The following JPH1 variants were observed in gnomAD, a reference collection of about 807,000 sequenced individuals.
The protein encoded by JPH1 is junctophilin-1.
A neutral mutation model predicts 53.6 loss-of-function variants in JPH1; 12 were observed. The ratio of observed to expected loss-of-function variants is 0.22; its 90% CI spans 0.14 to 0.36. The LOEUF (loss-of-function observed/expected upper bound fraction) is 0.36, where lower values mean the gene tolerates loss of function less well. Ranked by LOEUF, JPH1 falls within the 10% of genes least tolerant of loss-of-function variation. JPH1 has a pLI of 1.00. For synonymous variants in JPH1, 375 were observed against 363.8 expected (o/e 1.03, Z -0.35); for missense variants, 808 against 905.5 (o/e 0.89, Z 1.38).
chr8:74,309,759 C>A (rs943143480), intron 2 of JPH1, among the ~76,000 whole-genome samples: 1 of 152,172 alleles, frequency 6.6e-6, no homozygotes, highest in South Asian at 2.1e-4. Context: ...AACTGAATGC[C>A]TAAGAAATAG....
chr8:74,292,367 G>A (rs984426861), intron 2 of JPH1, among the ~76,000 whole-genome samples: 2 of 152,118 alleles, frequency 1.3e-5, no homozygotes, highest in African/African-American at 2.4e-5. Flanking sequence ...TCAAGGAAGC[G>A]ACATCAAACG....
rs577662671 is a variant in JPH1, at chr8:74,275,086, C to T, written c.1140-15583G>A. ...TACTACCCAAGCAAGTAGTAAATAA[C>T]AGACTGGGCTTTTGTTTTCTGGAAT... is the stretch of plus-strand genomic sequence containing the variant. On this transcript the variant is annotated intron_variant, in intron 2 of 5. Transcript: ENST00000342232. 3.3e-5 allele frequency among the ~76,000 whole-genome samples: 5 copies of T among 152,248 alleles called. No individual in the cohort carries two copies. The East Asian group carries it at 7.7e-4, about 24-fold the overall frequency.
chr8:74,267,274 A>T (rs1335156784), intron 2 of JPH1, among the ~76,000 whole-genome samples: 1 of 152,236 alleles, frequency 6.6e-6, no homozygotes, highest in Non-Finnish European at 1.5e-5. Flanking sequence ...AGTGAGTCAA[A>T]AAAGCAAAGA....
chr8:74,244,735 C>G lies in JPH1; in HGVS notation c.1699G>C (p.Val567Leu), dbSNP rs777169915. ...LNAPQHPPVD[V>L]EDGDGSSQSS... ...TGGCTGGATCCATCGCCGTCCTCCACGTCTACTGGAGGGTGCTGGGGGGCG... is the reference window on the plus strand; with the variant it reads ...TGGCTGGATCCATCGCCGTCCTCCAGGTCTACTGGAGGGTGCTGGGGGGCG... Residue 567 changes from valine (V) to leucine (L), a missense_variant, in exon 4 of 6, where the codon GTG (valine) becomes CTG (leucine). Physicochemically the swap from Val to Leu is conservative, Grantham distance 32. Coordinates refer to ENST00000342232, the MANE Select transcript of JPH1 (RefSeq NM_020647.4). 3.7e-6 allele frequency: 6 copies of G among 1,614,012 alleles called. No individual in the cohort carries two copies. The African/African-American group carries it at 8.0e-5, about 22-fold the overall frequency.
At chr8:74,318,790 C>T (rs1808233126) in intron 1 of JPH1, among the ~76,000 whole-genome samples, 1 of 152,092 alleles carries the variant, frequency 6.6e-6, no homozygotes. Flanking sequence ...AGAAAACAAG[C>T]TAATTTTTTA....
At chr8:74,319,640 G>T (rs1808258483) in intron 1 of JPH1, among the ~76,000 whole-genome samples, 1 of 149,032 alleles carries the variant, frequency 6.7e-6, no homozygotes, top group African/African-American at 2.4e-5. Context: ...CAAGTGTTCT[G>T]ACTAAGTGAA....
chr8:74,266,533 T>C (rs533303782), intron 2 of JPH1, among the ~76,000 whole-genome samples: 1 of 151,634 alleles, frequency 6.6e-6, no homozygotes, highest in South Asian at 2.1e-4. Context: ...TTCCAGGGGG[T>C]TGGAGGAGGG....
chr8:74,296,598 T>C (rs918999101), intron 2 of JPH1, among the ~76,000 whole-genome samples: 7 of 152,198 alleles, frequency 4.6e-5, no homozygotes, highest in Non-Finnish European at 8.8e-5. Flanking sequence ...CAAAATGTCA[T>C]GAGAAAATCC....
intron 2 of JPH1, among the ~76,000 whole-genome samples, chr8:74,275,978 G>C (rs921163391): frequency 6.6e-6 from 1 of 152,112 alleles, no homozygotes; most frequent in South Asian, 2.1e-4. Flanking sequence ...ATTATGGTTC[G>C]AATTTGATTA....
intron 2 of JPH1, among the ~76,000 whole-genome samples, chr8:74,267,272 A>C (rs1414387487): frequency 6.6e-6 from 1 of 152,218 alleles, no homozygotes; most frequent in Non-Finnish European, 1.5e-5. Flanking sequence ...TAAGTGAGTC[A>C]AAAAAGCAAA....
At chr8:74,308,907 T>G (rs1159543970) in intron 2 of JPH1, among the ~76,000 whole-genome samples, 1 of 152,158 alleles carries the variant, frequency 6.6e-6, no homozygotes, top group African/African-American at 2.4e-5. Flanking sequence ...GGAGGGGAGA[T>G]CTGCATGAAA....
chr8:74,317,950 A>AG lies in JPH1; in HGVS notation c.380-2331dup, dbSNP rs146987647. 6.1e-3 allele frequency among the ~76,000 whole-genome samples: 932 copies of AG among 152,212 alleles called. 9 individuals are homozygous for AG. The highest frequency in any genetic ancestry group is 0.021 in the African/African-American group (889 of 41,560). On this transcript the variant is annotated intron_variant, in intron 1 of 5. Coordinates refer to ENST00000342232, the MANE Select transcript of JPH1 (RefSeq NM_020647.4). ...TCTCTGCTTAACTGTCAAATAGGGA[A>AG]GGGGGGGACAAGAGCATTGGCCACA...
chr8:74,244,698 G>A lies in JPH1; in HGVS notation c.1736C>T (p.Ala579Val), dbSNP rs750717909. ...DGDGSSQSSS[A>V]LVHKPSANKW... ...GTTAGCGGATGGCTTGTGCACCAGT[G>A]CTGAGGAAGACTGGCTGGATCCATC... The change falls in exon 4 of 6, where the codon GCA becomes GTA. Residue 579 changes from alanine to valine, a missense_variant. Transcript: ENST00000342232. 1.9e-6 allele frequency: 3 copies of A among 1,614,218 alleles called. No individual in the cohort carries two copies. The highest frequency in any genetic ancestry group is 2.5e-6 in the Non-Finnish European group (3 of 1,180,038).
intron 2 of JPH1, among the ~76,000 whole-genome samples, chr8:74,261,326 T>TTG (rs1176933029): frequency 2.6e-5 from 4 of 152,082 alleles, no homozygotes; most frequent in African/African-American, 9.7e-5. Flanking sequence ...ATAGGGGATA[T>TTG]TGTGTGTGTG....
intron 2 of JPH1, among the ~76,000 whole-genome samples, chr8:74,302,349 T>C (rs186777322): frequency 1.3e-4 from 20 of 152,318 alleles, no homozygotes; most frequent in Admixed American, 1.2e-3. Context: ...TGTACACAAA[T>C]ACTGCTAATA....
intron 2 of JPH1, among the ~76,000 whole-genome samples, chr8:74,295,517 G>A (rs1373705990): frequency 6.6e-6 from 1 of 152,192 alleles, no homozygotes; most frequent in East Asian, 1.9e-4. Context: ...CTGTGCCAAG[G>A]GCACTCACAT....
intron 1 of JPH1, among the ~76,000 whole-genome samples, chr8:74,316,917 A>G (rs950295963): frequency 1.3e-5 from 2 of 152,230 alleles, no homozygotes; most frequent in Admixed American, 1.3e-4. Flanking sequence ...AAAAGAAGCT[A>G]TCTGGAAAAT....
At chr8:74,260,009 A>G (rs1806346040) in intron 2 of JPH1, among the ~76,000 whole-genome samples, 1 of 152,220 alleles carries the variant, frequency 6.6e-6, no homozygotes, top group Non-Finnish European at 1.5e-5. Context: ...ATTCATATCC[A>G]TGTGTAAATG....
intron 2 of JPH1, among the ~76,000 whole-genome samples, chr8:74,305,431 T>C (rs1484681074): frequency 6.6e-6 from 1 of 152,260 alleles, no homozygotes; most frequent in Non-Finnish European, 1.5e-5. Flanking sequence ...TTTGGGGGCT[T>C]TCCAGAAAAC....
Sources: allele counts gnomAD v4.1 joint callset (sites outside exome capture counted in the v4.1 genomes callset), GRCh38; gene constraint gnomAD v4.1.1; transcripts MANE v1.5; gene names NCBI Gene and HGNC (gene_info 2026-07-23, HGNC 2026-07-21).